The following ULK4 variants were observed in gnomAD, a reference collection of about 807,000 sequenced individuals.
ULK4 encodes the protein inactive serine/threonine-protein kinase ULK4.
A neutral mutation model predicts 160.6 loss-of-function variants in ULK4; 133 were observed. That is an observed-to-expected ratio of 0.83 (90% CI 0.72 to 0.96). The LOEUF is 0.96. Among genes scored for constraint, ULK4 ranks in the 40% least tolerant of loss-of-function variants. The pLI, the probability that ULK4 is intolerant of heterozygous loss-of-function variation, is 0.00. For missense variants in ULK4, 1,580 were observed against 1,499.5 expected, an observed-to-expected ratio of 1.05 and a Z score of -0.89; for synonymous variants, 534 against 539.8, an observed-to-expected ratio of 0.99 and a Z score of 0.15.
intron 35 of ULK4, among the ~76,000 whole-genome samples, chr3:41,279,461 C>A (rs1381092349): frequency 2.0e-5 from 3 of 151,916 alleles, no homozygotes; most frequent in Non-Finnish European, 4.4e-5. Flanking sequence ...TACAGAGAAC[C>A]CCACAAAGAT....
In ULK4 at chr3:41,775,187, G is replaced by A. The variant is rs993156549; in HGVS notation, c.2193+14474C>T. ...GTATACATATGTAACAAACGTGCAC[G>A]TTGTGCACATGTACCCTAAAAGTAT... On this transcript the variant is annotated intron_variant, in intron 21 of 36. Transcript: ENST00000301831. Among the ~76,000 whole-genome samples, 8 of 150,030 alleles carry A rather than the reference G, an allele frequency of 5.3e-5. 1 individual carries two copies. Among genetic ancestry groups the A allele is most frequent in the Non-Finnish European group, 8.8e-5 (6 of 67,950 alleles).
At chr3:41,496,525 G>C (rs529385435) in intron 32 of ULK4, among the ~76,000 whole-genome samples, 1 of 151,992 alleles carries the variant, frequency 6.6e-6, no homozygotes, top group Non-Finnish European at 1.5e-5. Flanking sequence ...TTACTTTGCT[G>C]ATGAGAAGTA....
chr3:41,369,059 T>C (rs528679091), intron 35 of ULK4, among the ~76,000 whole-genome samples: 71 of 152,378 alleles, frequency 4.7e-4, no homozygotes, highest in African/African-American at 1.7e-3. Flanking sequence ...ACAGACATTC[T>C]TGTATTAATT....
At chr3:41,374,344 T>A (rs780892442) in intron 35 of ULK4, among the ~76,000 whole-genome samples, 16 of 151,942 alleles carry the variant, frequency 1.1e-4, no homozygotes, top group Admixed American at 2.6e-4. Flanking sequence ...AAAGAGAAAA[T>A]TTCAGGCCAA....
intron 35 of ULK4, among the ~76,000 whole-genome samples, chr3:41,289,279 C>T (rs1181709220): frequency 1.3e-5 from 2 of 152,132 alleles, no homozygotes; most frequent in Non-Finnish European, 2.9e-5. Flanking sequence ...TTATAGCTAT[C>T]ACTTACTGAG....
In ULK4 at chr3:41,894,084, TTTTGGTATCCAAGGGGATAC is replaced by T. The variant is rs1468956002; in HGVS notation, c.1577+1414_1577+1433del. Among the ~76,000 whole-genome samples, 6 of 152,240 alleles carry T rather than the reference TTTTGGTATCCAAGGGGATAC, an allele frequency of 3.9e-5. No homozygotes were observed. In the East Asian group the frequency reaches 1.2e-3, roughly 29 times the overall value. On this transcript the variant is annotated intron_variant, in intron 16 of 36. Transcript: ENST00000301831. ...GGGGGAAAAAAACAGTATGTGTGAA[TTTTGGTATCCAAGGGGATAC>T]TAAAACCAATCTCCGGGCTGATACA...
In ULK4 at chr3:41,376,044, G is replaced by A. The variant is rs562882910; in HGVS notation, c.3678+22035C>T. 1.5e-4 allele frequency among the ~76,000 whole-genome samples: 23 copies of A among 150,374 alleles called. 2 individuals are homozygous for A. The highest frequency in any genetic ancestry group is 1.5e-3 in the Admixed American group (22 of 15,156). On this transcript the variant is annotated intron_variant, in intron 35 of 36. Transcript: ENST00000301831. ...AAACATATAAAAAAAGCTCATCATCGCTGGTCATTAGAGAAATGCAAATCA... is the reference window on the plus strand; with the variant it reads ...AAACATATAAAAAAAGCTCATCATCACTGGTCATTAGAGAAATGCAAATCA...
chr3:41,398,848 A>G (rs2082121025), intron 34 of ULK4, among the ~76,000 whole-genome samples: 2 of 152,044 alleles, frequency 1.3e-5, no homozygotes, highest in African/African-American at 4.8e-5. Context: ...TATGGAGTAC[A>G]GTGTGAGGTT....
At chr3:41,289,177 G>T (rs2079514170) in intron 35 of ULK4, among the ~76,000 whole-genome samples, 1 of 152,084 alleles carries the variant, frequency 6.6e-6, no homozygotes, top group Non-Finnish European at 1.5e-5. Flanking sequence ...TGTTTTTTAT[G>T]CTACTGTTAT....
chr3:41,286,329 T>A (rs1220576562), intron 35 of ULK4, among the ~76,000 whole-genome samples: 2 of 152,304 alleles, frequency 1.3e-5, no homozygotes, highest in East Asian at 3.9e-4. Context: ...CAGCTTTTTT[T>A]GGCCAGAGAG....
At position 41,819,451 on chromosome 3, in the gene ULK4, G is replaced by A. The variant is rs1298604620; in HGVS notation, c.1820C>T (p.Thr607Ile). The A allele has an allele frequency of 1.9e-6, 3 of 1,613,578 alleles. No homozygotes were observed. Among genetic ancestry groups the A allele is most frequent in the Non-Finnish European group, 1.7e-6 (2 of 1,179,886 alleles). The change falls in exon 19 of 37, where the codon ACA (threonine) becomes ATA (isoleucine). Residue 607 changes from threonine (T) to isoleucine (I), a missense_variant. Physicochemically the swap from Thr to Ile is moderately conservative, Grantham distance 89. Coordinates refer to ENST00000301831, the MANE Select transcript of ULK4 (RefSeq NM_017886.4). ...ECWAVPLAAY[T>I]VLMRCLREGE... ...TTCCCGAAGGCACCTCATTAGCACT[G>A]TGTATGCAGCCAAGGGAACAGCCCA... is the stretch of plus-strand genomic sequence containing the variant.
chr3:41,911,736 G>C, intron 9 of ULK4, 77 bp from the exon 10 acceptor site: 1 of 1,106,998 alleles, frequency 9.0e-7, no homozygotes, highest in Middle Eastern at 2.0e-4. Context: ...AAAAGAGGTT[G>C]GAGAAGATAA....
chr3:41,248,198 T>C (rs1268697638), intron 36 of ULK4, among the ~76,000 whole-genome samples: 1 of 152,178 alleles, frequency 6.6e-6, no homozygotes, highest in East Asian at 1.9e-4. Flanking sequence ...CAAACTCCAC[T>C]CCTCTGTGGC....
chr3:41,271,530 G>A (rs1027546302), intron 35 of ULK4, among the ~76,000 whole-genome samples: 3 of 151,510 alleles, frequency 2.0e-5, no homozygotes, highest in African/African-American at 7.3e-5. Flanking sequence ...GAGTAGCTAG[G>A]ATTACAGGCG....
At position 41,444,364 on chromosome 3, in the gene ULK4, T is replaced by TCA. The variant is rs1449785511; in HGVS notation, c.3492+11132_3492+11133insTG. On this transcript the variant is annotated intron_variant, in intron 34 of 36. Transcript: ENST00000301831. The stretch of plus-strand genomic sequence containing the variant: ...CTTTCTAAATGATTTAAGTGACTTC[T>TCA]CTCTCTCTCTCTCTCTCTCTCTCTC... Among the ~76,000 whole-genome samples, 3 of 54,868 alleles carry TCA rather than the reference T, an allele frequency of 5.5e-5. No homozygotes were observed. The East Asian group carries it at 5.0e-3, about 91-fold the overall frequency. The allele number at this position is 54,868 out of a possible 152,430, so 36.0% of individuals were successfully genotyped here.
intron 32 of ULK4, among the ~76,000 whole-genome samples, chr3:41,552,749 A>G (rs1434883657): frequency 6.6e-6 from 1 of 152,086 alleles, no homozygotes; most frequent in East Asian, 1.9e-4. Flanking sequence ...AAAAATCCTT[A>G]AATTCATATG....
intron 35 of ULK4, among the ~76,000 whole-genome samples, chr3:41,318,666 A>T (rs1298902844): frequency 6.6e-6 from 1 of 152,200 alleles, no homozygotes; most frequent in African/African-American, 2.4e-5. Context: ...TCCTGAGGGA[A>T]ATCCTGATGA....
chr3:41,441,741 C>G (rs1053520947), intron 34 of ULK4, among the ~76,000 whole-genome samples: 8 of 152,058 alleles, frequency 5.3e-5, no homozygotes, highest in Admixed American at 3.9e-4. Flanking sequence ...CTACCATTCC[C>G]TTGCTGATTT....
intron 17 of ULK4, among the ~76,000 whole-genome samples, chr3:41,844,637 C>T (rs2042019167): frequency 6.6e-6 from 1 of 152,154 alleles, no homozygotes; most frequent in African/African-American, 2.4e-5. Context: ...GGCTGAAGGG[C>T]TCCTCAAGTG....
Sources: allele counts gnomAD v4.1 joint callset (sites outside exome capture counted in the v4.1 genomes callset), GRCh38; gene constraint gnomAD v4.1.1; transcripts MANE v1.5; gene names NCBI Gene and HGNC (gene_info 2026-07-23, HGNC 2026-07-21).